NUDT3: variants seen among roughly 807,000 people sequenced by gnomAD.
NUDT3 encodes nudix hydrolase 3.
In NUDT3, 9 loss-of-function variants were observed where a neutral mutation model predicts 23.6. The ratio of observed to expected loss-of-function variants is 0.38; its 90% CI spans 0.23 to 0.66. The LOEUF (loss-of-function observed/expected upper bound fraction) is 0.66. NUDT3 is among the 30% of genes least tolerant of loss of function. NUDT3 has a pLI of 0.52. For synonymous variants in NUDT3, 86 were observed against 82.6 expected (o/e 1.04, Z -0.22); for missense variants, 172 against 218.5 (o/e 0.79, Z 1.34).
At chr6:34,322,865 A>G (rs1385185168) in intron 2 of NUDT3, among the ~76,000 whole-genome samples, 1 of 152,244 alleles carries the variant, frequency 6.6e-6, no homozygotes, top group Non-Finnish European at 1.5e-5. Flanking sequence ...GTGCCCATCA[A>G]TAGTGGACTG....
chr6:34,370,415 A>G (rs1356408935), intron 1 of NUDT3, among the ~76,000 whole-genome samples: 2 of 152,192 alleles, frequency 1.3e-5, no homozygotes, highest in Admixed American at 1.3e-4. Flanking sequence ...TTCAGCGTTC[A>G]AGGCAGATGA....
intron 4 of NUDT3, among the ~76,000 whole-genome samples, chr6:34,289,327 G>T (rs1262484155): frequency 6.6e-6 from 1 of 152,222 alleles, no homozygotes. Context: ...AGCACTTTAG[G>T]AGGCTAAGGT....
intron 1 of NUDT3, among the ~76,000 whole-genome samples, chr6:34,362,684 G>C (rs1224610512): frequency 6.6e-6 from 1 of 152,038 alleles, no homozygotes; most frequent in African/African-American, 2.4e-5. Context: ...TCAAACTCCT[G>C]ACTTCAAGTG....
chr6:34,309,075 T>C (rs1189352133), intron 2 of NUDT3, among the ~76,000 whole-genome samples: 3 of 152,118 alleles, frequency 2.0e-5, no homozygotes, highest in African/African-American at 7.2e-5. Flanking sequence ...CAGACCACAA[T>C]GGAGTTAAGA....
chr6:34,364,623 T>A (rs1271578949), intron 1 of NUDT3, among the ~76,000 whole-genome samples: 1 of 152,204 alleles, frequency 6.6e-6, no homozygotes, highest in Non-Finnish European at 1.5e-5. Context: ...CCTTGATAAG[T>A]GAAGCTTTAC....
chr6:34,366,045 A>T (rs934640764), intron 1 of NUDT3, among the ~76,000 whole-genome samples: 11 of 151,610 alleles, frequency 7.3e-5, no homozygotes, highest in African/African-American at 2.7e-4. Context: ...TGTCTCAAAA[A>T]ATATATATAA....
chr6:34,289,476 AG>A (rs1763384798), intron 4 of NUDT3, among the ~76,000 whole-genome samples: 1 of 152,178 alleles, frequency 6.6e-6, no homozygotes, highest in Non-Finnish European at 1.5e-5. Context: ...CTGAGGTGGG[AG>A]GATCACCTGA....
chr6:34,330,864 C>CT (rs1352038873), intron 2 of NUDT3, among the ~76,000 whole-genome samples: 12 of 152,056 alleles, frequency 7.9e-5, no homozygotes, highest in Non-Finnish European at 1.3e-4. Flanking sequence ...AAAATAACTT[C>CT]TTTTTTTTGA....
chr6:34,293,385 A>G, intron 4 of NUDT3, 66 bp downstream of exon 4: 8 of 1,594,008 alleles, frequency 5.0e-6, no homozygotes, highest in Non-Finnish European at 6.9e-6. Context: ...GGTTCTGGTC[A>G]TGACCTGTGG....
At chr6:34,357,581 T>A (rs1430052141) in intron 1 of NUDT3, among the ~76,000 whole-genome samples, 4 of 150,610 alleles carry the variant, frequency 2.7e-5, no homozygotes, top group Admixed American at 2.7e-4. Flanking sequence ...CCCACTATAC[T>A]GCATCCTGGG....
chr6:34,308,767 G>A (rs1257933100), intron 2 of NUDT3, among the ~76,000 whole-genome samples: 1 of 152,100 alleles, frequency 6.6e-6, no homozygotes, highest in Non-Finnish European at 1.5e-5. Context: ...ATGTGTATAT[G>A]CCTAACAACA....
At chr6:34,326,939 CGAGA>C (rs1052476367) in intron 2 of NUDT3, among the ~76,000 whole-genome samples, 2 of 151,762 alleles carry the variant, frequency 1.3e-5, no homozygotes, top group African/African-American at 2.4e-5. Flanking sequence ...TGTGTGGAGA[CGAGA>C]GAGAGATCGT....
chr6:34,352,634 A>G (rs1054119466), intron 1 of NUDT3, among the ~76,000 whole-genome samples: 9 of 152,212 alleles, frequency 5.9e-5, no homozygotes, highest in Non-Finnish European at 1.2e-4. Context: ...TCCATAATAC[A>G]TGCTCAAACA....
intron 2 of NUDT3, among the ~76,000 whole-genome samples, chr6:34,304,834 CTT>C (rs533001818): frequency 4.0e-4 from 52 of 130,746 alleles, no homozygotes; most frequent in Non-Finnish European, 4.0e-4. Context: ...TAATTAAAAA[CTT>C]TTTTTTTTTT....
In NUDT3 at chr6:34,392,247, C is replaced by T; in HGVS notation, c.99+17G>A. 6.4e-7 allele frequency: 1 copy of T among 1,570,272 alleles called. No individual in the cohort carries two copies. On this transcript the variant is annotated intron_variant, in intron 1 of 4. Coordinates refer to ENST00000607016, the MANE Select transcript of NUDT3 (RefSeq NM_006703.4). ...CGGAGACCCGGCGACCCCGGCCCGC[C>T]CAGCCTGCCGCCTCACCTCCTCCTC... is the stretch of plus-strand genomic sequence containing the variant.
intron 1 of NUDT3, among the ~76,000 whole-genome samples, chr6:34,389,760 G>A (rs1025437454): frequency 2.0e-5 from 3 of 152,120 alleles, no homozygotes; most frequent in Non-Finnish European, 4.4e-5. Flanking sequence ...TCAGGAGATT[G>A]AGACCATCCT....
At chr6:34,366,778 G>T (rs79441819) in intron 1 of NUDT3, among the ~76,000 whole-genome samples, 2,033 of 152,192 alleles carry the variant, frequency 0.013, 22 homozygotes, top group Middle Eastern at 0.024. Context: ...AAACGTTCTT[G>T]AGATGGACAG....
At chr6:34,349,871 A>T (rs1411153273) in intron 1 of NUDT3, among the ~76,000 whole-genome samples, 2 of 150,628 alleles carry the variant, frequency 1.3e-5, no homozygotes, top group African/African-American at 2.5e-5. Flanking sequence ...CGGGCGGATC[A>T]CAAGGTCAGG....
intron 1 of NUDT3, among the ~76,000 whole-genome samples, chr6:34,379,801 G>A (rs1244206683): frequency 1.3e-5 from 2 of 151,832 alleles, no homozygotes; most frequent in Non-Finnish European, 2.9e-5. Context: ...GATCCCTTGA[G>A]GTCAGGAGTT....
Sources: allele counts gnomAD v4.1 joint callset (sites outside exome capture counted in the v4.1 genomes callset), GRCh38; gene constraint gnomAD v4.1.1; transcripts MANE v1.5; gene names NCBI Gene and HGNC (gene_info 2026-07-23, HGNC 2026-07-21).